Variants in MYL5 observed in about 807,000 individuals in gnomAD.
MYL5 encodes myosin light chain 5.
MYL5 carries 28 observed loss-of-function variants against 20.8 expected under a neutral mutation model. The ratio of observed to expected loss-of-function variants is 1.35; its 90% CI spans 1.00 to 1.84. The LOEUF (loss-of-function observed/expected upper bound fraction) is 1.84. Among genes scored for constraint, MYL5 ranks in the 40% most tolerant of loss-of-function variants. The pLI is 0.00. For synonymous variants in MYL5, 118 were observed against 87.4 expected (o/e 1.35, Z -1.95); for missense variants, 274 against 227.3 (o/e 1.21, Z -1.32).
At chr4:674,640 C>T (rs1467542277), upstream of MYL5, 2 of 280,814 alleles carry the variant, frequency 7.1e-6, no homozygotes, top group East Asian at 1.1e-4. Context: ...GACTGCGGGC[C>T]GGGGCGCACT....
At position 681,739 on chromosome 4, in the gene MYL5, C is replaced by A. The variant is rs1341799829; in HGVS notation, c.421-154C>A. 22 of 771,278 alleles carry A rather than the reference C, an allele frequency of 2.9e-5. No individual in the cohort carries two copies. The African/African-American group carries it at 2.9e-4, about 10-fold the overall frequency. The allele number at this position is 771,278 out of a possible 1,614,324, so 47.8% of individuals were successfully genotyped here. ...AGCGCCGCCCCGCCCCCTCCAGCGC[C>A]GCCCCGCCCCCTCCAGCGCCGCCCT... On this transcript the variant is annotated intron_variant, in intron 6 of 6. Transcript: ENST00000400159.
Position 677,988 on chromosome 4 carries a change from G to A in MYL5, c.-39G>A. 2 of 1,613,358 alleles carry A rather than the reference G, an allele frequency of 1.2e-6. No individual in the cohort carries two copies. The highest frequency in any genetic ancestry group is 1.7e-6 in the Non-Finnish European group (2 of 1,179,954). On this transcript the variant is annotated 5_prime_UTR_variant, in exon 1 of 7. An upstream open reading frame in the 5' UTR gains an earlier in-frame stop. Coordinates refer to ENST00000400159, the Ensembl canonical transcript of MYL5. The stretch of plus-strand genomic sequence containing the variant: ...AGGAGCTTAAGATGGGCAAGACCTG[G>A]GGCCCTGGGCAGACGCATCAAAGCA...
intron 3 of MYL5, among the ~76,000 whole-genome samples, chr4:679,583 A>G (rs1291364752): frequency 6.6e-6 from 1 of 151,902 alleles, no homozygotes; most frequent in Non-Finnish European, 1.5e-5. Context: ...CTGGGGAGTG[A>G]TTTCTCCTTG....
rs201842021 is a variant in MYL5, at chr4:678,076, C to T, written c.3+47C>T. 8.1e-6 allele frequency: 13 copies of T among 1,609,200 alleles called. No homozygotes were observed. The East Asian group carries it at 2.7e-4, about 33-fold the overall frequency. ...CCTGGGGCAGGCGTGTGGGTGTGAG[C>T]TGTGCTGTGCATGTGTACATGCGCA... On this transcript the variant is annotated intron_variant, in intron 1 of 6. Coordinates refer to ENST00000400159, the Ensembl canonical transcript of MYL5.
intron 6 of MYL5, among the ~76,000 whole-genome samples, chr4:681,473 G>T (rs901806608): frequency 1.5e-5 from 2 of 131,724 alleles, no homozygotes; most frequent in Admixed American, 8.3e-5. Flanking sequence ...AGCCCCAGCG[G>T]GCGAGACTAA....
At chr4:681,225 G>C in intron 6 of MYL5, 85 bp downstream of exon 8, 1 of 1,493,434 alleles carries the variant, frequency 6.7e-7, no homozygotes, top group South Asian at 1.2e-5. Context: ...CGCGGAGCCC[G>C]AGGAGCAGCG....
intron 6 of MYL5, among the ~76,000 whole-genome samples, chr4:681,534 C>T (rs1427263257): frequency 1.3e-5 from 2 of 148,534 alleles, no homozygotes; most frequent in African/African-American, 2.5e-5. Context: ...CCCACACGGT[C>T]CTCCCCGACG....
At chr4:676,721 C>G (rs770084631), upstream of MYL5, among the ~76,000 whole-genome samples, 1 of 152,144 alleles carries the variant, frequency 6.6e-6, no homozygotes, top group African/African-American at 2.4e-5. Context: ...TGCAGCCCAG[C>G]AGTGCCCCTT....
upstream of MYL5, chr4:676,172 C>T (rs141193220): frequency 1.1e-4 from 17 of 152,378 alleles, no homozygotes; most frequent in East Asian, 3.9e-4. Context: ...TCTTGGCCCT[C>T]GGCAAGCCCC....
rs1005820388 is a variant in MYL5, at chr4:680,443, A to G, written c.293-66A>G. The stretch of plus-strand genomic sequence containing the variant: ...TGGGGCAGGGGTCTCCCCTCCTGCC[A>G]TCTGCCCTTGGCAGCCACGGGACTG... On this transcript the variant is annotated intron_variant, in intron 4 of 6. Coordinates refer to ENST00000400159, the Ensembl canonical transcript of MYL5. 76 of 1,525,996 alleles carry G rather than the reference A, an allele frequency of 5.0e-5. 1 individual carries two copies. Among genetic ancestry groups the G allele is most frequent in the South Asian group, 3.9e-4 (35 of 89,406 alleles). The allele number at this position is 1,525,996 out of a possible 1,614,324, so 94.5% of individuals were successfully genotyped here.
chr4:681,510 C>T (rs1739533322), intron 6 of MYL5, among the ~76,000 whole-genome samples: 1 of 150,380 alleles, frequency 6.6e-6, no homozygotes. Flanking sequence ...AGGACCCCCG[C>T]ACCTCCCCCA....
At chr4:678,289 G>C in intron 1 of MYL5, 1 of 1,438,664 alleles carries the variant, frequency 7.0e-7, no homozygotes, top group Non-Finnish European at 9.1e-7. Flanking sequence ...CAGGATGAGG[G>C]GGTTCCTGGC....
intron 2 of MYL5, 86 bp downstream of exon 4, chr4:678,851 A>C (rs1347472851): frequency 1.2e-6 from 2 of 1,606,684 alleles, no homozygotes; most frequent in African/African-American, 2.7e-5. Flanking sequence ...CAGGGCCAGC[A>C]GGAGTGGAAG....
At position 680,281 on chromosome 4, in the gene MYL5, G is replaced by A. The variant is rs116369791; in HGVS notation, c.293-228G>A. Among the ~76,000 whole-genome samples the A allele has an allele frequency of 4.0e-3, 607 of 152,244 alleles. 3 individuals are homozygous for A. The highest frequency in any genetic ancestry group is 0.014 in the African/African-American group (574 of 41,548). ...GCACTCACCCCCAGCTCCAGGCCTG[G>A]GCTGACCCTGGGCACCCCAAAACTC... On this transcript the variant is annotated intron_variant, in intron 4 of 6. Transcript: ENST00000400159.
At chr4:680,846 G>A (rs1739400131) in intron 5 of MYL5, 3 of 633,436 alleles carry the variant, frequency 4.7e-6, no homozygotes, top group South Asian at 3.9e-5. Flanking sequence ...CCTGCTAGGC[G>A]CCGGGGAAAG....
In MYL5 at chr4:678,296, T is replaced by C. The variant is rs1739061351; in HGVS notation, c.3+267T>C. ...GTCCGGAGCAGGATGAGGGGGTTCC[T>C]GGCTTTCACAAAATCCCGGTACCCA... is the stretch of plus-strand genomic sequence containing the variant. On this transcript the variant is annotated intron_variant, in intron 1 of 6. Transcript: ENST00000400159. 2.8e-6 allele frequency: 4 copies of C among 1,432,130 alleles called. No individual in the cohort carries two copies. The African/African-American group carries it at 4.3e-5, about 15-fold the overall frequency. The allele number at this position is 1,432,130 out of a possible 1,614,324, so 88.7% of individuals were successfully genotyped here. A position where few individuals can be genotyped will look rare whatever the true frequency, so the allele number is the denominator to read the frequency against.
At chr4:681,832 A>G (rs370625380) in intron 6 of MYL5, 61 bp from the exon 9 acceptor site, 3 of 1,280,736 alleles carry the variant, frequency 2.3e-6, no homozygotes, top group Non-Finnish European at 3.0e-6. Flanking sequence ...GGGCCGCTGC[A>G]GGTGCGCGCT....
chr4:681,739 C>T, intron 6 of MYL5, 154 bp from the exon 9 acceptor site: 1 of 771,348 alleles, frequency 1.3e-6, no homozygotes, highest in East Asian at 4.9e-5. Context: ...CCTCCAGCGC[C>T]GCCCCGCCCC....
intron 6 of MYL5, among the ~76,000 whole-genome samples, chr4:681,474 G>A (rs991412814): frequency 1.1e-4 from 16 of 142,578 alleles, no homozygotes; most frequent in African/African-American, 4.2e-4. Flanking sequence ...GCCCCAGCGG[G>A]CGAGACTAAT....
Sources: gnomAD v4.1 joint callset for allele counts (sites outside exome capture counted in the v4.1 genomes callset) on GRCh38, gnomAD v4.1.1 for gene constraint, MANE v1.5 for transcripts, NCBI Gene and HGNC (gene_info 2026-07-23, HGNC 2026-07-21) for gene names.